Variants in RCBTB2 observed in about 807,000 individuals in gnomAD.
RCBTB2 encodes the protein RCC1 and BTB domain containing protein 2.
RCBTB2 carries 55 observed loss-of-function variants against 65.4 expected under a neutral mutation model. The ratio of observed to expected loss-of-function variants is 0.84; its 90% confidence interval spans 0.68 to 1.05. RCBTB2 has a LOEUF of 1.05. Among genes scored for constraint, RCBTB2 ranks in the 50% least tolerant of loss-of-function variants. The probability of loss-of-function intolerance (pLI) is 0.00; values close to 1 mark genes in which losing one functional copy is unlikely to be tolerated. For synonymous variants in RCBTB2, 220 were observed against 255.2 expected (o/e 0.86, Z 1.31); for missense variants, 599 against 680.1 (o/e 0.88, Z 1.33).
At chr13:48,515,502 T>A (rs937694733) in intron 5 of RCBTB2, 84 bp downstream of exon 5, 8 of 1,395,768 alleles carry the variant, frequency 5.7e-6, no homozygotes, top group Non-Finnish European at 7.8e-6. Flanking sequence ...TTTAACCTTT[T>A]ATTCCTTAGT....
chr13:48,490,255 G>C lies in RCBTB2; in HGVS notation c.1516-4C>G. On this transcript the variant is annotated splice_region_variant and splice_polypyrimidine_tract_variant and intron_variant, in intron 14 of 14. Transcript: ENST00000344532. Reference sequence around the variant, plus strand: ...TGAAGCAGAATTCTTCTAAATCCTAGGAACAACAACAAAGATGGTTTAATA... The same window carrying C: ...TGAAGCAGAATTCTTCTAAATCCTACGAACAACAACAAAGATGGTTTAATA... The C allele has an allele frequency of 1.2e-6, 2 of 1,609,996 alleles. No homozygotes were observed. The highest frequency in any genetic ancestry group is 1.7e-6 in the Non-Finnish European group (2 of 1,177,368).
At chr13:48,514,212 A>G (rs1187841347) in intron 6 of RCBTB2, among the ~76,000 whole-genome samples, 2 of 152,222 alleles carry the variant, frequency 1.3e-5, no homozygotes, top group African/African-American at 4.8e-5. Context: ...CACAAGCACT[A>G]TGAAACCAAG....
chr13:48,496,879 C>T (rs1297254051), intron 13 of RCBTB2, among the ~76,000 whole-genome samples: 1 of 145,748 alleles, frequency 6.9e-6, no homozygotes, highest in Non-Finnish European at 1.5e-5. Flanking sequence ...TTCATGGACA[C>T]GTGTCTTCCT....
chr13:48,521,962 C>G lies in RCBTB2; in HGVS notation c.-23G>C. 6.2e-7 allele frequency: 1 copy of G among 1,612,048 alleles called. No homozygotes were observed. Among genetic ancestry groups the G allele is most frequent in the Non-Finnish European group, 8.5e-7 (1 of 1,179,192 alleles). Reference sequence around the variant, plus strand: ...CATATGGACTCAGTCCTGGGCAGTCCCTGAGGAAAAAGTATGTGGTAAAAT... The same window carrying G: ...CATATGGACTCAGTCCTGGGCAGTCGCTGAGGAAAAAGTATGTGGTAAAAT... On this transcript the variant is annotated splice_region_variant and 5_prime_UTR_variant, in exon 4 of 15. Coordinates refer to ENST00000344532, the MANE Select transcript of RCBTB2 (RefSeq NM_001268.4).
chr13:48,511,725 G>C lies in RCBTB2; in HGVS notation c.783+45C>G, dbSNP rs373752194. The C allele has an allele frequency of 1.2e-5, 18 of 1,513,714 alleles. No homozygotes were observed. In the African/African-American group the frequency reaches 2.4e-4, roughly 20 times the overall value. 93.8% of individuals were successfully genotyped at this position (1,513,714 alleles called of 1,614,324 possible). ...TTTTAATACATTGATATCTTTGCCA[G>C]CGAAGACTTAAAAATACACGCACAC... On this transcript the variant is annotated intron_variant, in intron 9 of 14. Coordinates refer to ENST00000344532, the MANE Select transcript of RCBTB2 (RefSeq NM_001268.4).
chr13:48,489,884 A>AT lies in RCBTB2; in HGVS notation c.*226dup, dbSNP rs1035096161. ...AGGAAATGGTAAATAAGATATTTCA[A>AT]TTTTTTTTCCTTGACCTTAGTCACA... On this transcript the variant is annotated 3_prime_UTR_variant, in exon 15 of 15. Transcript: ENST00000344532. 1.6e-5 allele frequency: 9 copies of AT among 547,078 alleles called. No homozygotes were observed. The highest frequency in any genetic ancestry group is 3.8e-5 in the African/African-American group (2 of 52,300). The allele number at this position is 547,078 out of a possible 1,614,324, so 33.9% of individuals were successfully genotyped here. A position where few individuals can be genotyped will look rare whatever the true frequency, so the allele number is the denominator to read the frequency against.
intron 14 of RCBTB2, among the ~76,000 whole-genome samples, chr13:48,492,111 C>T (rs890003938): frequency 6.6e-6 from 1 of 152,188 alleles, no homozygotes; most frequent in African/African-American, 2.4e-5. Flanking sequence ...CCTGACATCT[C>T]CCCTCTCATC....
intron 4 of RCBTB2, among the ~76,000 whole-genome samples, chr13:48,521,631 G>A (rs1951429119): frequency 2.6e-5 from 4 of 152,068 alleles, no homozygotes; most frequent in Non-Finnish European, 4.4e-5. Flanking sequence ...TCTGAATGCA[G>A]GGGATGGCCT....
At chr13:48,505,507 A>C in intron 10 of RCBTB2, among the ~76,000 whole-genome samples, 1 of 152,220 alleles carries the variant, frequency 6.6e-6, no homozygotes, top group Non-Finnish European at 1.5e-5. Flanking sequence ...TTGGCTTCTC[A>C]ATCAGCATCA....
At position 48,515,748 on chromosome 13, in the gene RCBTB2, AGG is replaced by A; in HGVS notation, c.43-9_43-8del. On this transcript the variant is annotated splice_polypyrimidine_tract_variant and splice_region_variant and intron_variant, in intron 4 of 14. Transcript: ENST00000344532. ...ACAGAGTAGCCTGTACTGGCTGAAA[AGG>A]AAAAAATATATGTTGAAATGACAAA... The A allele has an allele frequency of 6.3e-7, 1 of 1,589,110 alleles. No homozygotes were observed. The highest frequency in any genetic ancestry group is 1.9e-5 in the Admixed American group (1 of 51,484).
intron 14 of RCBTB2, among the ~76,000 whole-genome samples, chr13:48,495,174 AT>A (rs1949913753): frequency 1.3e-5 from 2 of 152,188 alleles, no homozygotes; most frequent in Non-Finnish European, 2.9e-5. Context: ...TTTCCTAAAG[AT>A]TTGGTTCTAA....
At position 48,504,420 on chromosome 13, in the gene RCBTB2, C is replaced by T. The variant is rs148244769; in HGVS notation, c.927-1506G>A. The T allele has an allele frequency of 6.7e-4, 444 of 658,050 alleles. 2 individuals are homozygous for T. The highest frequency in any genetic ancestry group is 5.3e-3 in the Middle Eastern group (7 of 1,312). The allele number at this position is 658,050 out of a possible 1,614,324, so 40.8% of individuals were successfully genotyped here. On this transcript the variant is annotated intron_variant, in intron 10 of 14. Transcript: ENST00000344532. ...TTCAACAAACAGGCTTTCTCATTGA[C>T]CTTCAATGACTTCATACATGGTTGT... is the stretch of plus-strand genomic sequence containing the variant.
At chr13:48,500,268 G>T (rs1950173528) in intron 12 of RCBTB2, among the ~76,000 whole-genome samples, 1 of 152,126 alleles carries the variant, frequency 6.6e-6, no homozygotes, top group African/African-American at 2.4e-5. Context: ...TTATAAAAAG[G>T]GGAAATTTGG....
chr13:48,535,252 C>G (rs1368006985), upstream of RCBTB2, among the ~76,000 whole-genome samples: 1 of 150,606 alleles, frequency 6.6e-6, no homozygotes, highest in Non-Finnish European at 1.5e-5. Context: ...TCCTATTCAT[C>G]CTCTTTTTTT....
chr13:48,520,097 C>G (rs1951336816), intron 4 of RCBTB2, among the ~76,000 whole-genome samples: 1 of 152,114 alleles, frequency 6.6e-6, no homozygotes, highest in Admixed American at 6.5e-5. Context: ...CCAAACACTT[C>G]TGGTCCCAAG....
At chr13:48,525,619 T>G (rs1266568365) in intron 1 of RCBTB2, among the ~76,000 whole-genome samples, 1 of 151,818 alleles carries the variant, frequency 6.6e-6, no homozygotes, top group African/African-American at 2.4e-5. Context: ...TAACAAGTCC[T>G]GCAATTTTAG....
At chr13:48,519,137 C>T (rs1951272645) in intron 4 of RCBTB2, among the ~76,000 whole-genome samples, 1 of 152,118 alleles carries the variant, frequency 6.6e-6, no homozygotes, top group African/African-American at 2.4e-5. Context: ...GATTAAAGCC[C>T]AGAGTTCTTT....
chr13:48,520,790 A>G (rs9316393), intron 4 of RCBTB2, among the ~76,000 whole-genome samples: 33,621 of 152,054 alleles, frequency 0.22, 3,865 homozygotes, highest in South Asian at 0.27. Flanking sequence ...TTCAATTTAA[A>G]ATACAGTATA....
In RCBTB2 at chr13:48,499,735, C is replaced by A. The variant is rs1950148306; in HGVS notation, c.1270G>T (p.Glu424Ter). ...TCTACAATATCATCCTCGTTATCTT[C>A]CAATGACGAACGAAAATGCTCACAT... ...IRCEHFRSSLEDNEDDIVEMS... is the reference protein window; with the variant it reads ...IRCEHFRSSL Residue 424 changes from glutamate to a stop codon, truncating the protein, a stop_gained, in exon 13 of 15, where the codon GAA (glutamate) becomes TAA (stop). Transcript: ENST00000344532. LOFTEE classifies it high-confidence loss of function. The A allele has an allele frequency of 5.6e-6, 9 of 1,614,210 alleles. No individual in the cohort carries two copies. The highest frequency in any genetic ancestry group is 7.6e-6 in the Non-Finnish European group (9 of 1,180,022).
Sources: gnomAD v4.1 joint callset for allele counts (sites outside exome capture counted in the v4.1 genomes callset) on GRCh38, gnomAD v4.1.1 for gene constraint, MANE v1.5 for transcripts, NCBI Gene and HGNC (gene_info 2026-07-23, HGNC 2026-07-21) for gene names.